The following PSMA1 variants were observed in gnomAD, a reference collection of about 807,000 sequenced individuals.
PSMA1 encodes the protein proteasome 20S subunit alpha 1, also known as proteasome subunit alpha type-1.
A neutral mutation model predicts 38.4 loss-of-function variants in PSMA1; 3 were observed. The ratio of observed to expected loss-of-function variants is 0.08; its 90% CI spans 0.04 to 0.20. PSMA1 has a LOEUF of 0.20. PSMA1 is among the 10% of genes least tolerant of loss of function. The pLI is 1.00. For missense variants in PSMA1, 227 were observed against 325.3 expected, an observed-to-expected ratio of 0.70 and a Z score of 2.32; for synonymous variants, 101 against 107.1, an observed-to-expected ratio of 0.94 and a Z score of 0.35.
At chr11:14,547,302 GA>G (rs1851836992) in intron 2 of PSMA1, among the ~76,000 whole-genome samples, 1 of 152,152 alleles carries the variant, frequency 6.6e-6, no homozygotes, top group South Asian at 2.1e-4. Flanking sequence ...CTGGAAATTA[GA>G]AGGTTAGAGA....
rs1301807930 is a variant in PSMA1, at chr11:14,628,628, C to T, written c.-166+14827G>A. On this transcript the variant is annotated intron_variant, in intron 1 of 10. Coordinates refer to the PSMA1 transcript ENST00000418988. ...TGCGAATAATGCCGCAATAAACATA[C>T]GTGTGCATGTGTCTTTATAGCAGCA... Among the ~76,000 whole-genome samples, 7 of 147,554 alleles carry T rather than the reference C, an allele frequency of 4.7e-5. No homozygotes were observed. In the East Asian group the frequency reaches 9.9e-4, roughly 21 times the overall value.
intron 8 of PSMA1, among the ~76,000 whole-genome samples, chr11:14,508,898 C>CTT (rs1448823370): frequency 7.1e-6 from 1 of 140,728 alleles, no homozygotes; most frequent in Admixed American, 7.5e-5. Flanking sequence ...ACTTCTTTGA[C>CTT]CACCTCTCTC....
At chr11:14,625,093 C>T (rs1852895087) in intron 1 of PSMA1, among the ~76,000 whole-genome samples, 1 of 152,178 alleles carries the variant, frequency 6.6e-6, no homozygotes, top group Non-Finnish European at 1.5e-5. Flanking sequence ...GATGTGTTCC[C>T]TAAATTTGCA....
intron 2 of PSMA1, among the ~76,000 whole-genome samples, chr11:14,563,998 A>T (rs1353369659): frequency 6.6e-6 from 1 of 152,216 alleles, no homozygotes; most frequent in African/African-American, 2.4e-5. Flanking sequence ...TAATTTTTAG[A>T]TAATTTTAAA....
At chr11:14,541,706 C>T (rs1232580816) in intron 2 of PSMA1, among the ~76,000 whole-genome samples, 1 of 152,218 alleles carries the variant, frequency 6.6e-6, no homozygotes, top group Non-Finnish European at 1.5e-5. Flanking sequence ...CTTAGGAGTT[C>T]CCCTCCTTCT....
chr11:14,529,606 A>C (rs1228695632), intron 2 of PSMA1, among the ~76,000 whole-genome samples: 2 of 152,208 alleles, frequency 1.3e-5, no homozygotes, highest in Non-Finnish European at 2.9e-5. Context: ...TTCTGTGATT[A>C]AGGGCTGGTA....
chr11:14,638,506 C>CCTCT lies in PSMA1; in HGVS notation c.-166+4945_-166+4948dup, dbSNP rs374243163. Among the ~76,000 whole-genome samples the CCTCT allele has an allele frequency of 3.0e-3, 97 of 31,868 alleles. 3 individuals are homozygous for CCTCT. Among genetic ancestry groups the CCTCT allele is most frequent in the Middle Eastern group, 0.021 (1 of 48 alleles). The allele number at this position is 31,868 out of a possible 152,430, so 20.9% of individuals were successfully genotyped here. ...TAAGTTGGCTTAGTGGAGAAACACA[C>CCTCT]CTCTCTCTCTCTCTCTCTCTCTCTC... is the stretch of plus-strand genomic sequence containing the variant. On this transcript the variant is annotated intron_variant, in intron 1 of 10. Coordinates refer to the PSMA1 transcript ENST00000418988.
chr11:14,581,160 T>A (rs1852278321), intron 2 of PSMA1, among the ~76,000 whole-genome samples: 1 of 152,212 alleles, frequency 6.6e-6, no homozygotes, highest in Admixed American at 6.5e-5. Context: ...AATAGTCTAC[T>A]ATATTCTTGG....
At chr11:14,562,821 A>G (rs1457438675) in intron 2 of PSMA1, among the ~76,000 whole-genome samples, 1 of 151,808 alleles carries the variant, frequency 6.6e-6, no homozygotes, top group Non-Finnish European at 1.5e-5. Context: ...CTGCCCACAT[A>G]CTGGCCTCCC....
At chr11:14,631,328 C>G (rs1853006871) in intron 1 of PSMA1, among the ~76,000 whole-genome samples, 2 of 152,104 alleles carry the variant, frequency 1.3e-5, no homozygotes, top group Admixed American at 1.3e-4. Context: ...CCTCTACACA[C>G]TGCTTTGAAT....
chr11:14,534,908 T>C lies in PSMA1; in HGVS notation c.22-15867A>G, dbSNP rs1369444852. Among the ~76,000 whole-genome samples the C allele has an allele frequency of 7.9e-5, 12 of 152,068 alleles. No homozygotes were observed. Among genetic ancestry groups the C allele is most frequent in the Admixed American group, 7.9e-4 (12 of 15,248 alleles). On this transcript the variant is annotated intron_variant, in intron 2 of 10. Coordinates refer to the PSMA1 transcript ENST00000418988. This position sits in a 1 kb window ranked among gnomAD's most constrained non-coding sequence, Gnocchi z 4.5. ...CTGGCCAACATGGCAAAACCCCGTC[T>C]CTACTAAAAATACAAAATTAGCGGG... is the stretch of plus-strand genomic sequence containing the variant.
chr11:14,636,843 T>G (rs897470218), intron 1 of PSMA1, among the ~76,000 whole-genome samples: 19 of 152,248 alleles, frequency 1.2e-4, no homozygotes, highest in African/African-American at 4.1e-4. Flanking sequence ...TAGCTGTTAT[T>G]AATTCAATTA....
intron 2 of PSMA1, among the ~76,000 whole-genome samples, chr11:14,565,083 G>C (rs1852054276): frequency 6.6e-6 from 1 of 152,058 alleles, no homozygotes; most frequent in Non-Finnish European, 1.5e-5. Flanking sequence ...CCAGCCTATA[G>C]GGCTCTTCAA....
At chr11:14,627,489 C>T (rs1852927807) in intron 1 of PSMA1, among the ~76,000 whole-genome samples, 1 of 152,324 alleles carries the variant, frequency 6.6e-6, no homozygotes, top group South Asian at 2.1e-4. Context: ...TTAACAATTA[C>T]TGTTATAACG....
At position 14,638,580 on chromosome 11, in the gene PSMA1, TATATA is replaced by T. The variant is rs1331110190; in HGVS notation, c.-166+4870_-166+4874del. ...ATATATATATATATATATATATATATATATATTTTTTTTTTTTTTTTTTTTTTTTT... is the reference window on the plus strand; with the variant it reads ...ATATATATATATATATATATATATATTTTTTTTTTTTTTTTTTTTTTTTTT... On this transcript the variant is annotated intron_variant, in intron 1 of 10. Transcript: ENST00000418988. Among the ~76,000 whole-genome samples, 25 of 23,430 alleles carry T rather than the reference TATATA, an allele frequency of 1.1e-3. 1 individual carries two copies. The highest frequency in any genetic ancestry group is 1.7e-3 in the Admixed American group (3 of 1,816). The allele number at this position is 23,430 out of a possible 152,430, so 15.4% of individuals were successfully genotyped here. A position where few individuals can be genotyped will look rare whatever the true frequency, so the allele number is the denominator to read the frequency against.
chr11:14,528,400 A>G (rs1589983861), intron 2 of PSMA1, among the ~76,000 whole-genome samples: 1 of 152,064 alleles, frequency 6.6e-6, no homozygotes, highest in Non-Finnish European at 1.5e-5. Context: ...CACCAATACT[A>G]TATGACAAAT....
chr11:14,505,773 G>A (rs1565030231), intron 9 of PSMA1, among the ~76,000 whole-genome samples: 2 of 152,138 alleles, frequency 1.3e-5, no homozygotes, highest in Non-Finnish European at 2.9e-5. Context: ...GGGAGGCTGA[G>A]GCATGAGGAT....
At chr11:14,523,292 A>G (rs1299177126), upstream of PSMA1, among the ~76,000 whole-genome samples, 1 of 152,082 alleles carries the variant, frequency 6.6e-6, no homozygotes, top group African/African-American at 2.4e-5. Flanking sequence ...TTTTTTAGAG[A>G]CAGAGTCTAG....
At chr11:14,522,837 A>G (rs887538491), upstream of PSMA1, among the ~76,000 whole-genome samples, 5 of 152,234 alleles carry the variant, frequency 3.3e-5, no homozygotes, top group Admixed American at 3.3e-4. Flanking sequence ...TAGTTTAAAT[A>G]AAAGTTGAAG....
Sources: allele counts gnomAD v4.1 joint callset (sites outside exome capture counted in the v4.1 genomes callset), GRCh38; gene constraint gnomAD v4.1.1; non-coding constraint Gnocchi (gnomAD v3.1); transcripts MANE v1.5; gene names NCBI Gene and HGNC (gene_info 2026-07-23, HGNC 2026-07-21).